Variants in TMEM132B observed in about 807,000 individuals in gnomAD.
TMEM132B encodes transmembrane protein 132B.
A neutral mutation model predicts 90.8 loss-of-function variants in TMEM132B; 18 were observed. That is an observed-to-expected ratio of 0.20 (90% CI 0.14 to 0.29). TMEM132B has a LOEUF of 0.29. Ranked by LOEUF, TMEM132B falls within the 10% of genes least tolerant of loss-of-function variation. The pLI is 1.00. For synonymous variants in TMEM132B, 504 were observed against 523.3 expected (o/e 0.96, Z 0.50); for missense variants, 1,096 against 1,326.8 (o/e 0.83, Z 2.70).
At chr12:125,230,485 T>G (rs1873792639) in intron 1 of TMEM132B, among the ~76,000 whole-genome samples, 1 of 151,858 alleles carries the variant, frequency 6.6e-6, no homozygotes, top group South Asian at 2.1e-4. Flanking sequence ...TTTTCTCATT[T>G]TTTTATTTTT....
intron 3 of TMEM132B, among the ~76,000 whole-genome samples, chr12:125,481,745 A>G (rs1413864462): frequency 6.6e-6 from 1 of 152,228 alleles, no homozygotes; most frequent in African/African-American, 2.4e-5. Context: ...AGAATTGGAA[A>G]AAACTACTTT....
chr12:125,384,553 T>A (rs184703622), intron 2 of TMEM132B, among the ~76,000 whole-genome samples: 1 of 152,248 alleles, frequency 6.6e-6, no homozygotes, highest in African/African-American at 2.4e-5. Context: ...TAAAATATAC[T>A]TTTAGCAATT....
chr12:125,414,711 C>A (rs1342120168), intron 2 of TMEM132B, among the ~76,000 whole-genome samples: 1 of 152,202 alleles, frequency 6.6e-6, no homozygotes, highest in East Asian at 1.9e-4. Context: ...GGGCACCCCA[C>A]GGCCTGCCTT....
rs575875928 is a variant in TMEM132B, at chr12:125,458,648, G to A, written c.1106+42971G>A. Among the ~76,000 whole-genome samples, 70 of 152,122 alleles carry A rather than the reference G, an allele frequency of 4.6e-4. No homozygotes were observed. The highest frequency in any genetic ancestry group is 7.9e-4 in the Non-Finnish European group (54 of 68,018). On this transcript the variant is annotated intron_variant, in intron 3 of 8. Coordinates refer to ENST00000682704, the MANE Select transcript of TMEM132B (RefSeq NM_001366854.1). This position sits in a 1 kb window ranked among gnomAD's most constrained non-coding sequence, Gnocchi z 4.9. Reference sequence around the variant, plus strand: ...CTGGAAATGAGACTCACATCCATGCGGCCAGCGTCCGTGTCCCCTGCCTCT... The same window carrying A: ...CTGGAAATGAGACTCACATCCATGCAGCCAGCGTCCGTGTCCCCTGCCTCT...
In TMEM132B at chr12:125,595,755, C is replaced by T. The variant is rs530919783; in HGVS notation, c.1437+11761C>T. Among the ~76,000 whole-genome samples the T allele has an allele frequency of 1.4e-3, 209 of 152,204 alleles. 2 individuals carry two copies. Among genetic ancestry groups the T allele is most frequent in the Middle Eastern group, 6.8e-3 (2 of 294 alleles). On this transcript the variant is annotated intron_variant, in intron 5 of 8. Coordinates refer to ENST00000682704, the MANE Select transcript of TMEM132B (RefSeq NM_001366854.1). The stretch of plus-strand genomic sequence containing the variant: ...TAAGTGCTAGGGCTGGGATTTGAGC[C>T]TTGGTAGTTCTTACAAAAGAGTCCA...
chr12:125,495,113 C>T (rs1882518670), intron 3 of TMEM132B, among the ~76,000 whole-genome samples: 1 of 127,764 alleles, frequency 7.8e-6, no homozygotes, highest in South Asian at 2.9e-4. Flanking sequence ...CTCTCCTCCC[C>T]CTCCTCCCTG....
intron 1 of TMEM132B, among the ~76,000 whole-genome samples, chr12:125,286,289 G>T (rs975571476): frequency 2.6e-5 from 4 of 152,188 alleles, no homozygotes; most frequent in Admixed American, 6.5e-5. Context: ...GCCTTCTTCT[G>T]CCTTTGTGTG....
At chr12:125,244,250 C>G (rs1253748992) in intron 1 of TMEM132B, among the ~76,000 whole-genome samples, 3 of 152,190 alleles carry the variant, frequency 2.0e-5, no homozygotes, top group Non-Finnish European at 4.4e-5. Flanking sequence ...CACCCATTTT[C>G]AGTTCCCTTG....
intron 1 of TMEM132B, among the ~76,000 whole-genome samples, chr12:125,203,262 G>A (rs1189546525): frequency 6.6e-6 from 1 of 152,144 alleles, no homozygotes; most frequent in Non-Finnish European, 1.5e-5. Flanking sequence ...TATCAAAAAT[G>A]TTTCAAAAAT....
intron 1 of TMEM132B, among the ~76,000 whole-genome samples, chr12:125,327,228 A>G (rs1234516612): frequency 2.0e-5 from 3 of 152,144 alleles, no homozygotes; most frequent in African/African-American, 7.2e-5. Flanking sequence ...CCTGAGCTCC[A>G]GCATCAGCAT....
At chr12:125,443,414 G>T (rs1880926200) in intron 3 of TMEM132B, among the ~76,000 whole-genome samples, 1 of 152,162 alleles carries the variant, frequency 6.6e-6, no homozygotes, top group Admixed American at 6.5e-5. Context: ...GTGAACTCCA[G>T]CAGAGTCAGA....
intron 5 of TMEM132B, among the ~76,000 whole-genome samples, chr12:125,628,840 G>A (rs945309333): frequency 2.0e-5 from 3 of 152,124 alleles, no homozygotes; most frequent in Non-Finnish European, 4.4e-5. Flanking sequence ...GTAAGATATA[G>A]AGGTTTAGTT....
chr12:125,357,169 G>A lies in TMEM132B; in HGVS notation c.959+6826G>A, dbSNP rs1013656900. Among the ~76,000 whole-genome samples, 10 of 152,316 alleles carry A rather than the reference G, an allele frequency of 6.6e-5. No individual in the cohort carries two copies. The South Asian group carries it at 2.1e-3, about 32-fold the overall frequency. Reference sequence around the variant, plus strand: ...AATGAATAAATGAATCGTCAAGATTGTATGAATTCATGATATAAATAAGTA... The same window carrying A: ...AATGAATAAATGAATCGTCAAGATTATATGAATTCATGATATAAATAAGTA... On this transcript the variant is annotated intron_variant, in intron 2 of 8. Transcript: ENST00000682704.
chr12:125,426,787 T>C (rs1187220897), intron 3 of TMEM132B, among the ~76,000 whole-genome samples: 1 of 152,244 alleles, frequency 6.6e-6, no homozygotes, highest in Non-Finnish European at 1.5e-5. Flanking sequence ...GTTACAGTCC[T>C]TTTGAGAATC....
intron 3 of TMEM132B, among the ~76,000 whole-genome samples, chr12:125,465,888 A>G (rs1881551703): frequency 6.6e-6 from 1 of 152,200 alleles, no homozygotes; most frequent in Admixed American, 6.5e-5. Context: ...TGCTCTTGCC[A>G]TATAACATTC....
At chr12:125,344,577 C>G (rs1025499008) in intron 1 of TMEM132B, among the ~76,000 whole-genome samples, 3 of 152,126 alleles carry the variant, frequency 2.0e-5, no homozygotes, top group Admixed American at 6.5e-5. Context: ...AGGGAAGAGA[C>G]ACAGGGTGAA....
At chr12:125,347,738 T>A (rs1312472198) in intron 1 of TMEM132B, among the ~76,000 whole-genome samples, 2 of 152,144 alleles carry the variant, frequency 1.3e-5, no homozygotes, top group Non-Finnish European at 2.9e-5. Context: ...GAAAAAAAAG[T>A]CTCTGTCTGC....
At chr12:125,368,919 C>T (rs900915953) in intron 2 of TMEM132B, among the ~76,000 whole-genome samples, 10 of 152,122 alleles carry the variant, frequency 6.6e-5, no homozygotes, top group Non-Finnish European at 1.3e-4. Context: ...ATGTGCACAA[C>T]GTGCAGGTTT....
chr12:125,516,257 A>G (rs1341252564), intron 3 of TMEM132B, among the ~76,000 whole-genome samples: 1 of 152,190 alleles, frequency 6.6e-6, no homozygotes, highest in African/African-American at 2.4e-5. Flanking sequence ...TGAAACACCG[A>G]TCCTGATTCC....
Sources: gnomAD v4.1 joint callset for allele counts (sites outside exome capture counted in the v4.1 genomes callset) on GRCh38, gnomAD v4.1.1 for gene constraint, Gnocchi (gnomAD v3.1) non-coding constraint, MANE v1.5 for transcripts, NCBI Gene and HGNC (gene_info 2026-07-23, HGNC 2026-07-21) for gene names.